The following ADGRL3 variants were observed in gnomAD, a reference collection of about 807,000 sequenced individuals.
ADGRL3 encodes the protein calcium-independent alpha-latrotoxin receptor 3.
Under a neutral mutation model 153.5 loss-of-function variants are expected in ADGRL3, and 62 were observed. That is an observed-to-expected ratio of 0.40 (90% CI 0.33 to 0.50). The LOEUF is 0.50. Ranked by LOEUF, ADGRL3 falls within the 20% of genes least tolerant of loss-of-function variation. The pLI, the probability that ADGRL3 is intolerant of heterozygous loss-of-function variation, is 0.47. For missense variants in ADGRL3, 1,641 were observed against 1,859.4 expected (o/e 0.88, Z 2.16); for synonymous variants, 710 against 672.5 (o/e 1.06, Z -0.86).
At chr4:61,728,738 T>C (rs1411054892) in intron 6 of ADGRL3, among the ~76,000 whole-genome samples, 1 of 152,098 alleles carries the variant, frequency 6.6e-6, no homozygotes, top group Admixed American at 6.6e-5. Flanking sequence ...AGGCTAGTTG[T>C]TGACAAATGT....
chr4:61,884,916 C>T (rs2098529228), intron 9 of ADGRL3, among the ~76,000 whole-genome samples: 1 of 151,470 alleles, frequency 6.6e-6, no homozygotes, highest in Admixed American at 6.6e-5. Context: ...TGAGCCACCG[C>T]GCCCGGCCAA....
chr4:61,509,966 G>A (rs1419616732), intron 3 of ADGRL3, among the ~76,000 whole-genome samples: 4 of 152,084 alleles, frequency 2.6e-5, no homozygotes, highest in African/African-American at 9.7e-5. Flanking sequence ...CATTCTGACT[G>A]GTGTGAGATG....
At chr4:61,586,918 T>C (rs1415021640) in intron 4 of ADGRL3, among the ~76,000 whole-genome samples, 1 of 152,078 alleles carries the variant, frequency 6.6e-6, no homozygotes, top group East Asian at 1.9e-4. Flanking sequence ...AACTGGATGA[T>C]ATTTCTATCT....
At chr4:61,805,272 T>C (rs2097542304) in intron 8 of ADGRL3, among the ~76,000 whole-genome samples, 1 of 152,196 alleles carries the variant, frequency 6.6e-6, no homozygotes, top group African/African-American at 2.4e-5. Context: ...TGCTTTCTTA[T>C]TCTGCTTTTT....
intron 8 of ADGRL3, among the ~76,000 whole-genome samples, chr4:61,777,161 C>T (rs902592477): frequency 2.6e-5 from 4 of 151,952 alleles, no homozygotes; most frequent in African/African-American, 4.8e-5. Flanking sequence ...GGTGAAACCC[C>T]GTCTCTACAA....
chr4:61,563,264 C>T (rs1224111987), intron 4 of ADGRL3, among the ~76,000 whole-genome samples: 1 of 151,890 alleles, frequency 6.6e-6, no homozygotes, highest in Non-Finnish European at 1.5e-5. Flanking sequence ...TGTAAGGAGT[C>T]TTTTTTTTCT....
At chr4:61,600,286 C>T (rs189124956) in intron 5 of ADGRL3, among the ~76,000 whole-genome samples, 7 of 105,738 alleles carry the variant, frequency 6.6e-5, no homozygotes, top group African/African-American at 2.6e-4. Flanking sequence ...CCAGCCTGGG[C>T]AGCAGAGTGA....
At chr4:61,292,766 G>A (rs1468407499) in intron 1 of ADGRL3, among the ~76,000 whole-genome samples, 6 of 151,778 alleles carry the variant, frequency 4.0e-5, no homozygotes, top group Admixed American at 3.3e-4. Context: ...TGCAAAGGTG[G>A]AGATCTTAGA....
At chr4:61,867,070 G>T (rs1228807560) in intron 9 of ADGRL3, among the ~76,000 whole-genome samples, 26 of 152,000 alleles carry the variant, frequency 1.7e-4, no homozygotes, top group Non-Finnish European at 1.5e-5. Flanking sequence ...TGTTTTTTAG[G>T]TAAAGAATTT....
intron 1 of ADGRL3, among the ~76,000 whole-genome samples, chr4:61,374,525 C>T (rs567288954): frequency 8.4e-4 from 128 of 152,060 alleles, no homozygotes; most frequent in Non-Finnish European, 1.2e-3. Context: ...GAACATGAAG[C>T]ACATTTTTAA....
intron 6 of ADGRL3, among the ~76,000 whole-genome samples, chr4:61,715,169 T>G (rs544663888): frequency 6.6e-6 from 1 of 152,292 alleles, no homozygotes; most frequent in East Asian, 1.9e-4. Context: ...TTTGAAACAC[T>G]TGGCCAATAT....
chr4:62,075,356 T>C lies in ADGRL3; in HGVS notation c.*4448T>C, dbSNP rs1011632395. 1 of 152,068 alleles carries C rather than the reference T, an allele frequency of 6.6e-6. No individual in the cohort carries two copies. Among genetic ancestry groups the C allele is most frequent in the African/African-American group, 2.4e-5 (1 of 41,418 alleles). The allele number at this position is 152,068 out of a possible 1,614,324, so 9.4% of individuals were successfully genotyped here. A position where few individuals can be genotyped will look rare whatever the true frequency, so the allele number is the denominator to read the frequency against. On this transcript the variant is annotated 3_prime_UTR_variant, in exon 27 of 27. Coordinates refer to ENST00000683033, the MANE Select transcript of ADGRL3 (RefSeq NM_001387552.1). ...TTGAGCCACAGCACTTGGCCTGTGATGTATTGCAGAGGGAAAAAAACCAAC... is the reference window on the plus strand; with the variant it reads ...TTGAGCCACAGCACTTGGCCTGTGACGTATTGCAGAGGGAAAAAAACCAAC...
At chr4:61,207,974 T>C (rs1338340674) in intron 1 of ADGRL3, among the ~76,000 whole-genome samples, 1 of 152,122 alleles carries the variant, frequency 6.6e-6, no homozygotes, top group African/African-American at 2.4e-5. Context: ...GATAGGCAGG[T>C]TGGATATAGT....
At chr4:61,845,611 C>G (rs189182506) in intron 9 of ADGRL3, among the ~76,000 whole-genome samples, 107 of 151,752 alleles carry the variant, frequency 7.1e-4, no homozygotes, top group African/African-American at 2.5e-3. Flanking sequence ...CGTTACCCTC[C>G]CTCCTGGGCC....
chr4:61,474,226 C>G (rs1273697743), intron 2 of ADGRL3, among the ~76,000 whole-genome samples: 1 of 152,110 alleles, frequency 6.6e-6, no homozygotes, highest in Non-Finnish European at 1.5e-5. Context: ...AGAATGCAGT[C>G]TTGGCATTTA....
intron 2 of ADGRL3, among the ~76,000 whole-genome samples, chr4:61,434,982 G>A (rs2097426812): frequency 6.6e-6 from 1 of 151,978 alleles, no homozygotes; most frequent in African/African-American, 2.4e-5. Context: ...TATCACTCAA[G>A]TTCTATGAGA....
At chr4:61,933,371 T>C (rs17082488) in intron 13 of ADGRL3, among the ~76,000 whole-genome samples, 3,749 of 152,182 alleles carry the variant, frequency 0.025, 157 homozygotes, top group African/African-American at 0.085. Flanking sequence ...GGAAAGCGGA[T>C]CATTTTGTTG....
In ADGRL3 at chr4:62,071,559, A is replaced by G. The variant is rs771862810; in HGVS notation, c.*651A>G. On this transcript the variant is annotated 3_prime_UTR_variant, in exon 27 of 27. Coordinates refer to ENST00000683033, the MANE Select transcript of ADGRL3 (RefSeq NM_001387552.1). ...CAGAAAAAGAAGTTGAGCAATTTCT[A>G]TGTAATGTACAGATACTAGCATTGC... is the stretch of plus-strand genomic sequence containing the variant. 5.6e-6 allele frequency: 1 copy of G among 177,646 alleles called. No individual in the cohort carries two copies. Among genetic ancestry groups the G allele is most frequent in the Non-Finnish European group, 1.2e-5 (1 of 82,662 alleles). 11.0% of individuals were successfully genotyped at this position (177,646 alleles called of 1,614,324 possible). A position where few individuals can be genotyped will look rare whatever the true frequency, so the allele number is the denominator to read the frequency against.
chr4:61,311,060 A>G lies in ADGRL3; in HGVS notation c.-239-72064A>G, dbSNP rs978054505. Among the ~76,000 whole-genome samples the G allele has an allele frequency of 1.4e-4, 21 of 152,102 alleles. 1 individual carries two copies. Among genetic ancestry groups the G allele is most frequent in the Admixed American group, 1.4e-3 (21 of 15,258 alleles). ...TCAACTCTAGGAAAAAAAAAAATCTAATGTTTTCTGAGCTCCTCATCCTGA... is the reference window on the plus strand; with the variant it reads ...TCAACTCTAGGAAAAAAAAAAATCTGATGTTTTCTGAGCTCCTCATCCTGA... On this transcript the variant is annotated intron_variant, in intron 1 of 26. Transcript: ENST00000683033.
Sources: gnomAD v4.1 joint callset for allele counts (sites outside exome capture counted in the v4.1 genomes callset) on GRCh38, gnomAD v4.1.1 for gene constraint, MANE v1.5 for transcripts, NCBI Gene and HGNC (gene_info 2026-07-23, HGNC 2026-07-21) for gene names.